The following PDE11A variants were observed in gnomAD, a reference collection of about 807,000 sequenced individuals.
The protein encoded by PDE11A is phosphodiesterase 11A, also known as dual 3',5'-cyclic-AMP and -GMP phosphodiesterase 11A.
Under a neutral mutation model 100.5 loss-of-function variants are expected in PDE11A, and 100 were observed. The ratio of observed to expected loss-of-function variants is 1.00; its 90% CI spans 0.85 to 1.18. PDE11A has a LOEUF of 1.18. Among genes scored for constraint, PDE11A ranks in the 50% most tolerant of loss-of-function variants. The pLI is 0.00. For missense variants in PDE11A, 1,141 were observed against 1,152.6 expected (o/e 0.99, Z 0.15); for synonymous variants, 381 against 420.8 (o/e 0.91, Z 1.16).
At chr2:177,731,456 G>A (rs1425543719) in intron 10 of PDE11A, among the ~76,000 whole-genome samples, 1 of 152,120 alleles carries the variant, frequency 6.6e-6, no homozygotes, top group Non-Finnish European at 1.5e-5. Context: ...AGAGTCTTCT[G>A]GCTGGAGCCT....
At chr2:177,675,744 C>A in intron 16 of PDE11A, 1 of 671,234 alleles carries the variant, frequency 1.5e-6, no homozygotes, top group Non-Finnish European at 2.8e-6. Context: ...TCTGGTGGCC[C>A]TTTTGTTTTG....
chr2:177,757,073 T>C (rs1197455723), intron 10 of PDE11A, among the ~76,000 whole-genome samples: 3 of 152,234 alleles, frequency 2.0e-5, no homozygotes, highest in Non-Finnish European at 2.9e-5. Flanking sequence ...TTTCTTAATG[T>C]GTGCAATGTA....
chr2:177,806,116 G>A (rs2082866270), intron 9 of PDE11A, among the ~76,000 whole-genome samples: 1 of 152,156 alleles, frequency 6.6e-6, no homozygotes, highest in African/African-American at 2.4e-5. Flanking sequence ...AGCCACAAAT[G>A]CAAAAGTAAA....
At chr2:177,665,479 CA>C (rs201885310) in intron 18 of PDE11A, among the ~76,000 whole-genome samples, 120 of 68,326 alleles carry the variant, frequency 1.8e-3, no homozygotes, top group South Asian at 4.3e-3. Flanking sequence ...GACTCAGTCT[CA>C]AAAAAAAAAT....
chr2:177,701,310 A>G (rs2081193175), intron 13 of PDE11A, 99 bp from the exon 14 acceptor site: 2 of 733,348 alleles, frequency 2.7e-6, no homozygotes, highest in Admixed American at 3.9e-5. Context: ...GCAAAGGACC[A>G]TGAGCAGACA....
chr2:177,634,605 G>T (rs965309964), intron 19 of PDE11A, among the ~76,000 whole-genome samples: 4 of 151,988 alleles, frequency 2.6e-5, no homozygotes, highest in Admixed American at 6.5e-5. Flanking sequence ...AGCCAGGGTG[G>T]TCTCCGTCTC....
intron 14 of PDE11A, among the ~76,000 whole-genome samples, chr2:177,699,464 T>G (rs1172148291): frequency 6.6e-6 from 1 of 152,200 alleles, no homozygotes; most frequent in Non-Finnish European, 1.5e-5. Context: ...GTGACAGTGC[T>G]AGCCAGAAAA....
At chr2:177,712,655 T>C (rs13392051) in intron 12 of PDE11A, among the ~76,000 whole-genome samples, 35,841 of 152,118 alleles carry the variant, frequency 0.24, 6,075 homozygotes, top group African/African-American at 0.48. Context: ...AATTATGTAA[T>C]CAACAGCAGC....
chr2:177,646,180 T>C (rs567649924), intron 19 of PDE11A, among the ~76,000 whole-genome samples: 1 of 152,314 alleles, frequency 6.6e-6, no homozygotes, highest in South Asian at 2.1e-4. Flanking sequence ...CCACTAAAGT[T>C]AATGACTGAA....
intron 1 of PDE11A, among the ~76,000 whole-genome samples, chr2:178,059,486 C>A (rs2086940663): frequency 6.6e-6 from 1 of 152,190 alleles, no homozygotes; most frequent in South Asian, 2.1e-4. Context: ...CCTGCAGGGG[C>A]TGGCCTAGGG....
At chr2:177,800,695 T>C (rs1018140471) in intron 9 of PDE11A, among the ~76,000 whole-genome samples, 5 of 152,224 alleles carry the variant, frequency 3.3e-5, no homozygotes, top group African/African-American at 1.2e-4. Flanking sequence ...GACATATTTC[T>C]ATACATAAGG....
intron 2 of PDE11A, among the ~76,000 whole-genome samples, chr2:177,940,989 A>C (rs951049569): frequency 7.2e-5 from 11 of 152,300 alleles, no homozygotes; most frequent in African/African-American, 2.6e-4. Context: ...ATATGTAGTA[A>C]AAATTAACAC....
intron 5 of PDE11A, among the ~76,000 whole-genome samples, chr2:177,846,938 C>G (rs991151759): frequency 6.6e-6 from 1 of 152,176 alleles, no homozygotes; most frequent in African/African-American, 2.4e-5. Context: ...AGTCATCATC[C>G]TTGGTTCCAA....
intron 2 of PDE11A, among the ~76,000 whole-genome samples, chr2:177,980,316 T>C (rs1383382102): frequency 1.3e-5 from 2 of 151,098 alleles, no homozygotes; most frequent in Non-Finnish European, 1.5e-5. Flanking sequence ...ACTGTCTGTA[T>C]TGTGTAACTA....
At chr2:177,935,607 G>A (rs2085262332) in intron 2 of PDE11A, among the ~76,000 whole-genome samples, 1 of 152,092 alleles carries the variant, frequency 6.6e-6, no homozygotes, top group East Asian at 1.9e-4. Flanking sequence ...TCAAGGTGGG[G>A]CCCTTGCCTC....
chr2:177,658,651 T>C (rs1031696924), intron 19 of PDE11A, among the ~76,000 whole-genome samples: 5 of 151,994 alleles, frequency 3.3e-5, no homozygotes, highest in Non-Finnish European at 5.9e-5. Context: ...TATCTCTTCC[T>C]TTCATCCACA....
intron 19 of PDE11A, among the ~76,000 whole-genome samples, chr2:177,660,045 T>TTCTC (rs1553535184): frequency 8.3e-4 from 7 of 8,440 alleles, no homozygotes; most frequent in Admixed American, 4.3e-3. Flanking sequence ...CTTTCTTTCT[T>TTCTC]TCTTTCTTTC....
intron 4 of PDE11A, among the ~76,000 whole-genome samples, chr2:177,885,217 T>TGTGC (rs2084410457): frequency 6.6e-6 from 1 of 151,864 alleles, no homozygotes; most frequent in Non-Finnish European, 1.5e-5. Context: ...TGTGTGTGTG[T>TGTGC]GTGTGTATAT....
chr2:177,989,665 A>G (rs1041953997), intron 2 of PDE11A, among the ~76,000 whole-genome samples: 2 of 152,170 alleles, frequency 1.3e-5, no homozygotes, highest in Non-Finnish European at 2.9e-5. Context: ...TCAGTTAGTC[A>G]CTGCTCCTCA....
Sources: allele counts gnomAD v4.1 joint callset (sites outside exome capture counted in the v4.1 genomes callset), GRCh38; gene constraint gnomAD v4.1.1; transcripts MANE v1.5; gene names NCBI Gene and HGNC (gene_info 2026-07-23, HGNC 2026-07-21).